The following ADCY1 variants were observed in gnomAD, a reference collection of about 807,000 sequenced individuals.
ADCY1 encodes the protein adenylate cyclase 1, also known as adenylate cyclase type 1.
In ADCY1, 28 loss-of-function variants were observed where a neutral mutation model predicts 105.4. The observed-to-expected ratio is 0.27, with a 90% confidence interval of 0.20 to 0.36. ADCY1 has a LOEUF of 0.36. Ranked by LOEUF, ADCY1 falls within the 10% of genes least tolerant of loss-of-function variation. ADCY1 has a pLI of 1.00. For missense variants in ADCY1, 977 were observed against 1,434.2 expected (o/e 0.68, Z 5.15); for synonymous variants, 655 against 623.8 (o/e 1.05, Z -0.75).
At chr7:45,648,855 A>G in intron 5 of ADCY1, 58 bp downstream of exon 5, 1 of 1,593,996 alleles carries the variant, frequency 6.3e-7, no homozygotes, top group Non-Finnish European at 8.6e-7. Flanking sequence ...TTGAAATCCT[A>G]GAAGCTGAGC....
intron 8 of ADCY1, among the ~76,000 whole-genome samples, chr7:45,668,003 G>A (rs1220715676): frequency 2.0e-5 from 3 of 152,160 alleles, no homozygotes; most frequent in African/African-American, 7.2e-5. Flanking sequence ...TGCTGAAGTT[G>A]CTTATCAGCT....
chr7:45,578,791 T>A (rs757226648), intron 1 of ADCY1, among the ~76,000 whole-genome samples: 4 of 152,240 alleles, frequency 2.6e-5, no homozygotes, highest in Non-Finnish European at 5.9e-5. Flanking sequence ...CTGCCAGCTC[T>A]GAGCTTCCTC....
chr7:45,632,005 A>C (rs1318178679), intron 4 of ADCY1, among the ~76,000 whole-genome samples: 1 of 152,216 alleles, frequency 6.6e-6, no homozygotes, highest in African/African-American at 2.4e-5. Flanking sequence ...GGTATGGGTC[A>C]AAGCTGGATT....
intron 4 of ADCY1, among the ~76,000 whole-genome samples, chr7:45,631,806 C>T (rs978071131): frequency 6.6e-6 from 1 of 152,130 alleles, no homozygotes; most frequent in Non-Finnish European, 1.5e-5. Context: ...CTAAGCCAAG[C>T]CTGCATATCT....
At chr7:45,636,825 G>A (rs1476033898) in intron 4 of ADCY1, among the ~76,000 whole-genome samples, 1 of 152,242 alleles carries the variant, frequency 6.6e-6, no homozygotes, top group Non-Finnish European at 1.5e-5. Flanking sequence ...ACAGGCATGA[G>A]CCTCCATACC....
chr7:45,584,739 C>T (rs1479860365), intron 1 of ADCY1, among the ~76,000 whole-genome samples: 2 of 152,262 alleles, frequency 1.3e-5, no homozygotes, highest in Admixed American at 1.3e-4. Flanking sequence ...CTAGGCTTTC[C>T]ATGTGAAGCA....
rs1459774593 is a variant in ADCY1, at chr7:45,679,607, A to G, written c.1899-102A>G. On this transcript the variant is annotated intron_variant, in intron 10 of 19. Transcript: ENST00000297323. ...GTTAACGATGCTGCTTCCTCCTGAG[A>G]GCACAGGGGATGTGGAGGGAGGGGC... 6 of 1,126,400 alleles carry G rather than the reference A, an allele frequency of 5.3e-6. No homozygotes were observed. The African/African-American group carries it at 7.7e-5, about 14-fold the overall frequency. 69.8% of individuals were successfully genotyped at this position (1,126,400 alleles called of 1,614,324 possible).
At chr7:45,613,520 T>G (rs944087899) in intron 3 of ADCY1, among the ~76,000 whole-genome samples, 6 of 152,158 alleles carry the variant, frequency 3.9e-5, no homozygotes. Flanking sequence ...AGAACCAGAT[T>G]GTACACACAA....
intron 2 of ADCY1, among the ~76,000 whole-genome samples, chr7:45,609,375 G>A (rs1054873869): frequency 3.3e-5 from 5 of 152,210 alleles, no homozygotes; most frequent in Non-Finnish European, 1.5e-5. Flanking sequence ...GGGTGCCCGC[G>A]TGACTACTGC....
intron 1 of ADCY1, among the ~76,000 whole-genome samples, chr7:45,580,068 T>C (rs1427349620): frequency 4.6e-5 from 7 of 151,174 alleles, no homozygotes; most frequent in Non-Finnish European, 1.0e-4. Flanking sequence ...AACTTTAACA[T>C]AAAAAGCTTC....
rs1223476986 is a variant in ADCY1, at chr7:45,648,774, A to G, written c.1125A>G (p.Gly375=). 5 of 1,613,866 alleles carry G rather than the reference A, an allele frequency of 3.1e-6. No homozygotes were observed. The highest frequency in any genetic ancestry group is 4.2e-6 in the Non-Finnish European group (5 of 1,179,924). ...ATGCCCACTGCTGTGTGGAGATGGG[A>G]CTCGACATGATTGATACCATCACGT... ...TDHAHCCVEM[G]LDMIDTITSV... is the part of the protein sequence containing the mutation. Residue 375 remains glycine, a synonymous_variant, in exon 5 of 20, where the codon GGA becomes GGG. Coordinates refer to ENST00000297323, the MANE Select transcript of ADCY1 (RefSeq NM_021116.4).
Position 45,703,240 on chromosome 7 carries a change from G to A in ADCY1, c.2455-136G>A. On this transcript the variant is annotated intron_variant, in intron 14 of 19. Transcript: ENST00000297323. The surrounding 1 kb of genome is among the most constrained non-coding windows in gnomAD (Gnocchi z 5.9). ...TGGATCTAGTCTTGCATCTAGTGGGGAGGAGGGACAGGAGCGTGGATGTAG... is the reference window on the plus strand; with the variant it reads ...TGGATCTAGTCTTGCATCTAGTGGGAAGGAGGGACAGGAGCGTGGATGTAG... 2 of 785,380 alleles carry A rather than the reference G, an allele frequency of 2.5e-6. No individual in the cohort carries two copies. The highest frequency in any genetic ancestry group is 3.1e-5 in the South Asian group (2 of 65,448). The allele number at this position is 785,380 out of a possible 1,614,324, so 48.7% of individuals were successfully genotyped here.
chr7:45,595,782 A>G (rs1445298893), intron 2 of ADCY1, among the ~76,000 whole-genome samples: 1 of 152,234 alleles, frequency 6.6e-6, no homozygotes, highest in African/African-American at 2.4e-5. Flanking sequence ...CTGATTGAGG[A>G]CGTGCCTTCC....
intron 4 of ADCY1, among the ~76,000 whole-genome samples, chr7:45,629,078 T>C (rs540604921): frequency 2.6e-4 from 40 of 152,344 alleles, no homozygotes; most frequent in African/African-American, 8.9e-4. Flanking sequence ...TCCTAGACCC[T>C]TCGCAATCCC....
intron 2 of ADCY1, among the ~76,000 whole-genome samples, chr7:45,604,324 A>G (rs1327070992): frequency 6.6e-6 from 1 of 152,186 alleles, no homozygotes; most frequent in Admixed American, 6.5e-5. Flanking sequence ...TTCTTTTAGC[A>G]GAGTCTTTTT....
intron 14 of ADCY1, among the ~76,000 whole-genome samples, chr7:45,688,099 A>G (rs2116216453): frequency 6.6e-6 from 1 of 152,338 alleles, no homozygotes; most frequent in East Asian, 1.9e-4. Context: ...CCATGCAGTT[A>G]AGTGACCGAA....
At chr7:45,662,290 C>T in intron 8 of ADCY1, 76 bp downstream of exon 8, 1 of 1,482,180 alleles carries the variant, frequency 6.7e-7, no homozygotes, top group Non-Finnish European at 9.1e-7. Flanking sequence ...AATATGGCCC[C>T]CGTGCCATTT....
chr7:45,577,807 G>A (rs999447742), intron 1 of ADCY1, among the ~76,000 whole-genome samples: 9 of 152,190 alleles, frequency 5.9e-5, no homozygotes, highest in South Asian at 2.1e-4. Flanking sequence ...TTCCAGAGTC[G>A]GGTTAACTCC....
intron 14 of ADCY1, among the ~76,000 whole-genome samples, chr7:45,694,565 C>A (rs1401655658): frequency 6.6e-6 from 1 of 152,040 alleles, no homozygotes; most frequent in African/African-American, 2.4e-5. Flanking sequence ...GGAAATTAAA[C>A]CAAAAGTAAT....
Sources: allele counts gnomAD v4.1 joint callset (sites outside exome capture counted in the v4.1 genomes callset), GRCh38; gene constraint gnomAD v4.1.1; non-coding constraint Gnocchi (gnomAD v3.1); transcripts MANE v1.5; gene names NCBI Gene and HGNC (gene_info 2026-07-23, HGNC 2026-07-21).